OPHN1: variants seen among roughly 807,000 people sequenced by gnomAD.
OPHN1 encodes oligophrenin-1.
Under a neutral mutation model 60.7 loss-of-function variants are expected in OPHN1, and 11 were observed. The observed-to-expected ratio is 0.18, with a 90% CI of 0.11 to 0.30. The LOEUF (loss-of-function observed/expected upper bound fraction) is 0.30. Among genes scored for constraint, OPHN1 ranks in the 10% least tolerant of loss-of-function variants. OPHN1 has a pLI of 1.00. For synonymous variants in OPHN1, 226 were observed against 222.6 expected, an observed-to-expected ratio of 1.02 and a Z score of -0.14; for missense variants, 449 against 611.0, an observed-to-expected ratio of 0.73 and a Z score of 2.80.
At chrX:68,394,855 C>G (rs1445252751) in intron 2 of OPHN1, among the ~76,000 whole-genome samples, 1 of 111,877 alleles carries the variant, frequency 8.9e-6, no homozygotes, top group African/African-American at 3.2e-5. Flanking sequence ...CCATCTTGCC[C>G]AAGCTTGTCT....
intron 8 of OPHN1, among the ~76,000 whole-genome samples, chrX:68,211,766 G>A (rs757276248): frequency 8.9e-6 from 1 of 112,326 alleles, no homozygotes; most frequent in African/African-American, 3.2e-5. Context: ...TGTTTTGACT[G>A]AGCAGGGAAG....
chrX:68,085,278 G>T (rs2076991083), intron 19 of OPHN1, among the ~76,000 whole-genome samples: 1 of 111,882 alleles, frequency 8.9e-6, no homozygotes, highest in Admixed American at 9.5e-5. Context: ...CCTATTCATG[G>T]AATTGCTCTT....
intron 15 of OPHN1, among the ~76,000 whole-genome samples, chrX:68,130,002 G>A (rs750971841): frequency 9.0e-6 from 1 of 111,426 alleles, no homozygotes; most frequent in African/African-American, 3.2e-5. Context: ...AAAATCCAGG[G>A]ATGCCAGACT....
At chrX:68,176,446 T>C (rs1320777261) in intron 15 of OPHN1, among the ~76,000 whole-genome samples, 1 of 111,643 alleles carries the variant, frequency 9.0e-6, no homozygotes, top group Non-Finnish European at 1.9e-5. Context: ...CATTGTCACA[T>C]GGAAAATGCA....
intron 5 of OPHN1, among the ~76,000 whole-genome samples, chrX:68,258,356 G>A (rs1157615513): frequency 2.0e-5 from 2 of 100,302 alleles, no homozygotes; most frequent in South Asian, 5.0e-4. Context: ...CCATTAACTC[G>A]TCATTTAACA....
intron 15 of OPHN1, among the ~76,000 whole-genome samples, chrX:68,163,979 A>AT (rs776375764): frequency 8.9e-6 from 1 of 111,778 alleles, no homozygotes; most frequent in East Asian, 2.8e-4. Flanking sequence ...TACCAACAAC[A>AT]TTTTTTAAAA....
Position 68,352,776 on chromosome X carries a change from C to G in OPHN1, c.155-53680G>C, listed in dbSNP as rs189788606. 9.8e-4 allele frequency among the ~76,000 whole-genome samples: 109 copies of G among 111,533 alleles called. 1 individual carries two copies. Among genetic ancestry groups the G allele is most frequent in the African/African-American group, 3.5e-3 (107 of 30,700 alleles). ...TAAAACTAGTTATAGGAAAGAGCAA[C>G]GAAGCAGGAGGAACATCTCAATGCT... is the stretch of plus-strand genomic sequence containing the variant. On this transcript the variant is annotated intron_variant, in intron 2 of 24. Coordinates refer to ENST00000355520, the MANE Select transcript of OPHN1 (RefSeq NM_002547.3).
intron 15 of OPHN1, among the ~76,000 whole-genome samples, chrX:68,160,525 G>A (rs1602200168): frequency 9.0e-6 from 1 of 111,129 alleles, no homozygotes; most frequent in East Asian, 2.8e-4. Context: ...TATACCATAA[G>A]CCAGGTCATA....
At chrX:68,265,673 A>G (rs1317658523) in intron 5 of OPHN1, among the ~76,000 whole-genome samples, 1 of 112,261 alleles carries the variant, frequency 8.9e-6, no homozygotes, top group Non-Finnish European at 1.9e-5. Context: ...ACAAAGATGG[A>G]TGAAGAATGA....
At chrX:68,238,988 T>C (rs1006926075) in intron 5 of OPHN1, among the ~76,000 whole-genome samples, 8 of 111,594 alleles carry the variant, frequency 7.2e-5, no homozygotes, top group Non-Finnish European at 1.5e-4. Flanking sequence ...TGCCGTGGTG[T>C]ACCGGAAAAA....
At chrX:68,152,594 C>T (rs2077289726) in intron 15 of OPHN1, among the ~76,000 whole-genome samples, 1 of 109,870 alleles carries the variant, frequency 9.1e-6, no homozygotes, top group Non-Finnish European at 1.9e-5. Context: ...AGGCACATGC[C>T]ACCATGCCCA....
At chrX:68,317,376 A>AAAGAAAGAAAGAAAGAAAGAAAGG (rs1555970490) in intron 2 of OPHN1, among the ~76,000 whole-genome samples, 76 of 50,494 alleles carry the variant, frequency 1.5e-3, no homozygotes, top group African/African-American at 4.8e-3. Context: ...AGAAAGAAAG[A>AAAGAAAGAAAGAAAGAAAGAAAGG]AAGGAAGGAA....
intron 8 of OPHN1, among the ~76,000 whole-genome samples, chrX:68,210,728 C>T (rs1006583074): frequency 1.2e-4 from 13 of 111,812 alleles, no homozygotes; most frequent in African/African-American, 3.2e-4. Flanking sequence ...ATAAAATATA[C>T]GAGAGGGTGC....
chrX:68,196,202 C>G (rs1289525005), intron 12 of OPHN1, among the ~76,000 whole-genome samples: 1 of 111,794 alleles, frequency 8.9e-6, no homozygotes, highest in African/African-American at 3.3e-5. Flanking sequence ...GAAAGAAAAA[C>G]CTAGAATGCA....
intron 15 of OPHN1, among the ~76,000 whole-genome samples, chrX:68,170,412 C>T (rs1432308192): frequency 1.9e-5 from 2 of 107,964 alleles, no homozygotes; most frequent in Non-Finnish European, 3.8e-5. Context: ...TACCATTTGA[C>T]CCAGCCATCC....
chrX:68,405,813 G>C (rs1446868608), intron 2 of OPHN1, among the ~76,000 whole-genome samples: 1 of 111,328 alleles, frequency 9.0e-6, no homozygotes. Context: ...AAACTTTTGG[G>C]ACATAATGGG....
intron 2 of OPHN1, among the ~76,000 whole-genome samples, chrX:68,321,964 T>TTTTTATTTTA (rs200314831): frequency 1.8e-4 from 19 of 106,105 alleles, no homozygotes; most frequent in African/African-American, 3.3e-4. Context: ...TAAGAGTTTG[T>TTTTTATTTTA]TTTTATTTTA....
chrX:68,196,299 C>A (rs1206311683), intron 12 of OPHN1, among the ~76,000 whole-genome samples: 1 of 112,136 alleles, frequency 8.9e-6, no homozygotes, highest in Non-Finnish European at 1.9e-5. Context: ...AGTTTTGTAT[C>A]CCATCATTCA....
At chrX:68,321,221 G>A (rs774668994) in intron 2 of OPHN1, among the ~76,000 whole-genome samples, 4 of 111,471 alleles carry the variant, frequency 3.6e-5, no homozygotes, top group African/African-American at 9.8e-5. Context: ...ACCCCCTATC[G>A]TGACGCTACC....
Sources: allele counts gnomAD v4.1 joint callset (sites outside exome capture counted in the v4.1 genomes callset), GRCh38; gene constraint gnomAD v4.1.1; transcripts MANE v1.5; gene names NCBI Gene and HGNC (gene_info 2026-07-23, HGNC 2026-07-21).